FAM3B: variants seen among roughly 807,000 people sequenced by gnomAD.
FAM3B encodes protein FAM3B.
A neutral mutation model predicts 28.4 loss-of-function variants in FAM3B; 29 were observed. The ratio of observed to expected loss-of-function variants is 1.02; its 90% CI spans 0.76 to 1.39. The LOEUF (loss-of-function observed/expected upper bound fraction) is 1.39, where lower values mean the gene tolerates loss of function less well. Among genes scored for constraint, FAM3B ranks in the 40% most tolerant of loss-of-function variants. The probability of loss-of-function intolerance (pLI) is 0.00; values close to 1 mark genes in which losing one functional copy is unlikely to be tolerated. For missense variants in FAM3B, 266 were observed against 293.9 expected (o/e 0.91, Z 0.69); for synonymous variants, 91 against 103.0 (o/e 0.88, Z 0.71).
intron 6 of FAM3B, 32 bp downstream of exon 6, chr21:41,347,132 G>A (rs1165990134): frequency 1.9e-6 from 3 of 1,598,434 alleles, no homozygotes; most frequent in Non-Finnish European, 2.6e-6. Context: ...ACAGCGGTGG[G>A]CAAGAGAAGC....
At chr21:41,342,777 ACT>A (rs1474597800) in intron 3 of FAM3B, among the ~76,000 whole-genome samples, 1 of 152,132 alleles carries the variant, frequency 6.6e-6, no homozygotes, top group Admixed American at 6.5e-5. Flanking sequence ...GAGTTGGATA[ACT>A]CTAGCATTTA....
chr21:41,322,694 A>T, intron 1 of FAM3B: 1 of 726,372 alleles, frequency 1.4e-6, no homozygotes, highest in Non-Finnish European at 2.5e-6. Flanking sequence ...CAGCAAATAC[A>T]ACTTGCCCTG....
At chr21:41,355,125 C>G (rs1206859678) in intron 7 of FAM3B, among the ~76,000 whole-genome samples, 2 of 152,020 alleles carry the variant, frequency 1.3e-5, no homozygotes, top group Non-Finnish European at 2.9e-5. Context: ...ATGAGATATC[C>G]CCTAACACTT....
chr21:41,309,426 C>T (rs951832267), intron 1 of FAM3B, among the ~76,000 whole-genome samples: 4 of 152,176 alleles, frequency 2.6e-5, no homozygotes, highest in Admixed American at 6.5e-5. Flanking sequence ...GTTCTGCTTC[C>T]GCTTCTTCCT....
At chr21:41,335,127 A>G (rs889226679) in intron 2 of FAM3B, among the ~76,000 whole-genome samples, 1 of 151,926 alleles carries the variant, frequency 6.6e-6, no homozygotes, top group African/African-American at 2.4e-5. Context: ...CTTCTTTTTG[A>G]TTTTACAGGC....
chr21:41,330,144 A>AC (rs971656629), intron 2 of FAM3B, among the ~76,000 whole-genome samples: 9 of 151,746 alleles, frequency 5.9e-5, no homozygotes, highest in African/African-American at 1.9e-4. Context: ...GAAAAAAAAA[A>AC]AAAAAAACAT....
chr21:41,348,769 T>C, intron 7 of FAM3B, 45 bp downstream of exon 7: 1 of 1,611,266 alleles, frequency 6.2e-7, no homozygotes, highest in East Asian at 2.2e-5. Context: ...GTGAGTATAG[T>C]AAATGCTGTG....
intron 3 of FAM3B, among the ~76,000 whole-genome samples, chr21:41,342,421 C>T (rs1010315965): frequency 6.6e-6 from 1 of 152,116 alleles, no homozygotes; most frequent in African/African-American, 2.4e-5. Context: ...ATCTTCTGCC[C>T]ATTCACTTTC....
intron 1 of FAM3B, among the ~76,000 whole-genome samples, chr21:41,305,455 T>A (rs1018368341): frequency 6.6e-6 from 1 of 152,158 alleles, no homozygotes; most frequent in Non-Finnish European, 1.5e-5. Context: ...CTGCTATGAG[T>A]TTTTGTTTTG....
chr21:41,353,408 C>G (rs544716895), intron 7 of FAM3B, among the ~76,000 whole-genome samples: 2 of 152,284 alleles, frequency 1.3e-5, no homozygotes, highest in East Asian at 3.9e-4. Flanking sequence ...CAAAACATAA[C>G]ACAAAGCTGC....
intron 2 of FAM3B, among the ~76,000 whole-genome samples, chr21:41,337,642 A>C (rs1438171002): frequency 6.6e-6 from 1 of 151,760 alleles, no homozygotes; most frequent in Admixed American, 6.6e-5. Context: ...GTGATATGGT[A>C]TGTGTTGGGG....
chr21:41,311,513 A>G (rs888944532), intron 1 of FAM3B, among the ~76,000 whole-genome samples: 1 of 151,752 alleles, frequency 6.6e-6, no homozygotes, highest in African/African-American at 2.4e-5. Context: ...TCACTTAGAA[A>G]TAAAAACAAT....
chr21:41,339,699 T>C (rs1968277136), intron 3 of FAM3B, among the ~76,000 whole-genome samples: 2 of 152,162 alleles, frequency 1.3e-5, no homozygotes, highest in Admixed American at 6.5e-5. Flanking sequence ...CTGAGTGAAG[T>C]TAAAAAATGT....
intron 7 of FAM3B, among the ~76,000 whole-genome samples, chr21:41,356,078 C>CACACAA (rs2089165102): frequency 7.0e-6 from 1 of 143,738 alleles, no homozygotes; most frequent in Admixed American, 6.9e-5. Context: ...CACACACACA[C>CACACAA]ACACACATAG....
chr21:41,321,900 C>G (rs999182774), intron 1 of FAM3B, among the ~76,000 whole-genome samples: 1 of 152,176 alleles, frequency 6.6e-6, no homozygotes, highest in African/African-American at 2.4e-5. Flanking sequence ...CCTTCTCTTC[C>G]TTTCCTTTTT....
At chr21:41,341,200 A>G (rs536787349) in intron 3 of FAM3B, among the ~76,000 whole-genome samples, 1 of 152,186 alleles carries the variant, frequency 6.6e-6, no homozygotes, top group South Asian at 2.1e-4. Flanking sequence ...TTTTATTGAT[A>G]TGTGGTATTC....
chr21:41,312,558 A>G (rs1437151821), upstream of FAM3B, among the ~76,000 whole-genome samples: 1 of 152,258 alleles, frequency 6.6e-6, no homozygotes, highest in African/African-American at 2.4e-5. Flanking sequence ...GCAAAGCCCT[A>G]TGAGAGGATA....
intron 3 of FAM3B, among the ~76,000 whole-genome samples, chr21:41,340,152 CTT>C (rs954999865): frequency 0.015 from 1,915 of 127,096 alleles, 19 homozygotes; most frequent in East Asian, 0.083. Context: ...CTGAAGTTGT[CTT>C]TTTTTTTTTT....
intron 6 of FAM3B, among the ~76,000 whole-genome samples, chr21:41,347,934 C>A (rs898271711): frequency 6.6e-6 from 1 of 152,090 alleles, no homozygotes; most frequent in Non-Finnish European, 1.5e-5. Flanking sequence ...GTGAATTTCC[C>A]AGACAGGGCT....
Sources: gnomAD v4.1 joint callset for allele counts (sites outside exome capture counted in the v4.1 genomes callset) on GRCh38, gnomAD v4.1.1 for gene constraint, MANE v1.5 for transcripts, NCBI Gene and HGNC (gene_info 2026-07-23, HGNC 2026-07-21) for gene names.